The following NCOA3 variants were observed in gnomAD, a reference collection of about 807,000 sequenced individuals.
The protein encoded by NCOA3 is nuclear receptor coactivator 3, also known as CBP-interacting protein.
A neutral mutation model predicts 158.8 loss-of-function variants in NCOA3; 51 were observed. That is an observed-to-expected ratio of 0.32 (90% confidence interval 0.26 to 0.41). The LOEUF (loss-of-function observed/expected upper bound fraction) is 0.41, where lower values mean the gene tolerates loss of function less well. Among genes scored for constraint, NCOA3 ranks in the 10% least tolerant of loss-of-function variants. The pLI is 1.00. For missense variants in NCOA3, 1,510 were observed against 1,746.6 expected (o/e 0.86, Z 2.41); for synonymous variants, 537 against 592.4 (o/e 0.91, Z 1.36).
At chr20:47,512,066 A>G (rs1383604972) in intron 1 of NCOA3, among the ~76,000 whole-genome samples, 1 of 152,120 alleles carries the variant, frequency 6.6e-6, no homozygotes, top group African/African-American at 2.4e-5. Context: ...CATAATATCA[A>G]TACTTTGAGA....
chr20:47,628,184 A>G (rs981436121), intron 8 of NCOA3, among the ~76,000 whole-genome samples, 161 bp downstream of exon 8: 48 of 152,140 alleles, frequency 3.2e-4, no homozygotes, highest in African/African-American at 1.1e-3. Flanking sequence ...TGCTTATGCA[A>G]CCTTAAAAGA....
chr20:47,524,374 G>C (rs530031827), intron 1 of NCOA3, among the ~76,000 whole-genome samples: 1 of 152,276 alleles, frequency 6.6e-6, no homozygotes, highest in South Asian at 2.1e-4. Context: ...TTGGCGACAG[G>C]GTAGCTGGAA....
At chr20:47,634,015 T>C in intron 9 of NCOA3, 33 bp from the exon 10 acceptor site, 1 of 1,612,974 alleles carries the variant, frequency 6.2e-7, no homozygotes, top group Non-Finnish European at 8.5e-7. Context: ...TTGCTGACTG[T>C]AGTTACCAGT....
chr20:47,586,980 T>G (rs2085545893), intron 2 of NCOA3, among the ~76,000 whole-genome samples: 1 of 152,208 alleles, frequency 6.6e-6, no homozygotes, highest in Non-Finnish European at 1.5e-5. Context: ...TGCCAAGCAA[T>G]AAGCAGCTTG....
chr20:47,652,427 C>T lies in NCOA3; in HGVS notation c.3968C>T (p.Pro1323Leu). ...PNYGMGQQPD[P>L]AFGRVSSPPN... ...TAAGGAATGGGACAACAACCAGATC[C>T]AGCCTTTGGTCGAGTGTCTAGTCCT... The change falls in exon 21 of 23, where the codon CCA (proline) becomes CTA (leucine). Residue 1323 changes from proline (P) to leucine (L), a missense_variant. Coordinates refer to ENST00000371998, the MANE Select transcript of NCOA3 (RefSeq NM_181659.3). 6.2e-7 allele frequency: 1 copy of T among 1,605,724 alleles called. No individual in the cohort carries two copies.
At chr20:47,556,905 G>A (rs572608905) in intron 1 of NCOA3, among the ~76,000 whole-genome samples, 157 of 152,222 alleles carry the variant, frequency 1.0e-3, no homozygotes, top group South Asian at 7.3e-3. Context: ...ACCCATTTCC[G>A]TGCATATATA....
chr20:47,653,335 A>AT (rs1438484745), intron 22 of NCOA3, 71 bp from the exon 23 acceptor site: 23 of 1,479,212 alleles, frequency 1.6e-5, no homozygotes, highest in African/African-American at 3.1e-5. Flanking sequence ...GGACATGGGT[A>AT]TTTTTTTGTT....
At position 47,502,901 on chromosome 20, in the gene NCOA3, G is replaced by T. The variant is rs1315025503; in HGVS notation, c.-99+882G>T. Among the ~76,000 whole-genome samples, 3 of 152,130 alleles carry T rather than the reference G, an allele frequency of 2.0e-5. No homozygotes were observed. The East Asian group carries it at 5.8e-4, about 29-fold the overall frequency. On this transcript the variant is annotated intron_variant, in intron 1 of 22. Coordinates refer to ENST00000371998, the MANE Select transcript of NCOA3 (RefSeq NM_181659.3). The stretch of plus-strand genomic sequence containing the variant: ...CGAGAGAGCGAGCATCTACCTCACT[G>T]GCAGGATCTGGGATTCCCAAATGGA...
intron 1 of NCOA3, among the ~76,000 whole-genome samples, chr20:47,544,406 C>T (rs1308478451): frequency 6.6e-6 from 1 of 150,410 alleles, no homozygotes; most frequent in Non-Finnish European, 1.5e-5. Context: ...TCACTGCAGC[C>T]TCAACCTCCT....
chr20:47,557,967 T>C (rs1309445118), intron 1 of NCOA3, among the ~76,000 whole-genome samples: 2 of 152,198 alleles, frequency 1.3e-5, no homozygotes, highest in African/African-American at 4.8e-5. Flanking sequence ...GGTTGCTTCC[T>C]TCTGAAGCCT....
chr20:47,639,639 A>C lies in NCOA3; in HGVS notation c.2770A>C (p.Asn924His). ...TTCCTCAGGAGACTGGGGCTTACCAAACTCAAAGGCCGGCAGAATGGAACC... is the reference window on the plus strand; with the variant it reads ...TTCCTCAGGAGACTGGGGCTTACCACACTCAAAGGCCGGCAGAATGGAACC... ...TPSSGDWGLP[N>H]SKAGRMEPMN... The change falls in exon 15 of 23, where the codon AAC (asparagine) becomes CAC (histidine). Residue 924 changes from asparagine to histidine, a missense_variant. By Grantham distance (68) the Asn-to-His change is moderately conservative. Coordinates refer to ENST00000371998, the MANE Select transcript of NCOA3 (RefSeq NM_181659.3). 4 of 1,613,936 alleles carry C rather than the reference A, an allele frequency of 2.5e-6. No homozygotes were observed. In the South Asian group the frequency reaches 3.3e-5, roughly 13 times the overall value.
chr20:47,624,599 C>G (rs1198073088), intron 4 of NCOA3, among the ~76,000 whole-genome samples: 1 of 152,172 alleles, frequency 6.6e-6, no homozygotes, highest in African/African-American at 2.4e-5. Flanking sequence ...CCATTCCTAA[C>G]AGGCCACAGA....
At chr20:47,575,526 A>G (rs1276382570) in intron 1 of NCOA3, among the ~76,000 whole-genome samples, 2 of 152,204 alleles carry the variant, frequency 1.3e-5, no homozygotes, top group African/African-American at 2.4e-5. Context: ...TTATATTGCT[A>G]TATAAACTTT....
At chr20:47,517,451 CT>C (rs376699406) in intron 1 of NCOA3, among the ~76,000 whole-genome samples, 44 of 129,286 alleles carry the variant, frequency 3.4e-4, no homozygotes, top group Non-Finnish European at 4.4e-4. Flanking sequence ...TTTTCTTTTT[CT>C]TTTTTTTTTT....
intron 1 of NCOA3, among the ~76,000 whole-genome samples, chr20:47,544,842 A>G (rs1930125): frequency 0.063 from 9,517 of 152,154 alleles, 912 homozygotes; most frequent in African/African-American, 0.21. Flanking sequence ...ACAGATAAAT[A>G]TATATTTAAT....
Position 47,605,715 on chromosome 20 carries a change from A to G in NCOA3, c.-19-16514A>G, listed in dbSNP as rs577376715. ...CATGGAGTTATTAATTTATTGCTTT[A>G]TATTTCCCCTCTGTCATGGTCCACA... On this transcript the variant is annotated intron_variant, in intron 2 of 22. Coordinates refer to ENST00000371998, the MANE Select transcript of NCOA3 (RefSeq NM_181659.3). Among the ~76,000 whole-genome samples the G allele has an allele frequency of 1.3e-5, 2 of 151,980 alleles. 1 individual carries two copies. Among genetic ancestry groups the G allele is most frequent in the South Asian group, 4.1e-4 (2 of 4,826 alleles).
chr20:47,525,166 T>G (rs1442138915), intron 1 of NCOA3, among the ~76,000 whole-genome samples: 44 of 150,520 alleles, frequency 2.9e-4, no homozygotes, highest in Non-Finnish European at 5.5e-4. Context: ...AAGCATCTGT[T>G]TAACAAAGCA....
intron 1 of NCOA3, among the ~76,000 whole-genome samples, chr20:47,546,007 G>A (rs762856498): frequency 6.6e-6 from 1 of 152,020 alleles, no homozygotes; most frequent in African/African-American, 2.4e-5. Flanking sequence ...GAGCCACTGT[G>A]CCAGGCCTGT....
chr20:47,551,330 T>C (rs2084923846), intron 1 of NCOA3, among the ~76,000 whole-genome samples: 1 of 152,158 alleles, frequency 6.6e-6, no homozygotes, highest in Admixed American at 6.6e-5. Context: ...TTCAAGTCCT[T>C]TGGTACCTGT....
Sources: gnomAD v4.1 joint callset for allele counts (sites outside exome capture counted in the v4.1 genomes callset) on GRCh38, gnomAD v4.1.1 for gene constraint, MANE v1.5 for transcripts, NCBI Gene and HGNC (gene_info 2026-07-23, HGNC 2026-07-21) for gene names.